The following CCDC39 variants were observed in gnomAD, a reference collection of about 807,000 sequenced individuals.
CCDC39 encodes coiled-coil domain-containing protein 39.
A neutral mutation model predicts 121.0 loss-of-function variants in CCDC39; 113 were observed. The observed-to-expected ratio is 0.93, with a 90% CI of 0.80 to 1.09. The LOEUF (loss-of-function observed/expected upper bound fraction) is 1.09, where lower values mean the gene tolerates loss of function less well. CCDC39 is among the 50% of genes least tolerant of loss of function. CCDC39 has a pLI of 0.00. For missense variants in CCDC39, 1,063 were observed against 1,074.7 expected (o/e 0.99, Z 0.15); for synonymous variants, 349 against 352.2 (o/e 0.99, Z 0.10).
intron 12 of CCDC39, among the ~76,000 whole-genome samples, chr3:180,643,396 G>C (rs1718004994): frequency 6.6e-6 from 1 of 152,008 alleles, no homozygotes; most frequent in Non-Finnish European, 1.5e-5. Flanking sequence ...ACAGAGAAAA[G>C]TGTTTTAAAC....
At chr3:180,648,054 T>C (rs761461119) in intron 10 of CCDC39, 111 bp downstream of exon 10, 14 of 818,118 alleles carry the variant, frequency 1.7e-5, no homozygotes, top group Non-Finnish European at 2.7e-5. Context: ...AGCATCTGTC[T>C]GTCCTCCACA....
At chr3:180,615,314 T>C (rs957511919) in intron 19 of CCDC39, among the ~76,000 whole-genome samples, 4 of 152,148 alleles carry the variant, frequency 2.6e-5, no homozygotes, top group African/African-American at 9.6e-5. Flanking sequence ...AGTATGTTCC[T>C]ACATGGTAAA....
intron 1 of CCDC39, among the ~76,000 whole-genome samples, chr3:180,664,442 C>T (rs923332161): frequency 5.9e-5 from 9 of 152,170 alleles, no homozygotes; most frequent in African/African-American, 1.4e-4. Context: ...AGGACACAAA[C>T]ATTAAAAACA....
chr3:180,628,306 G>A (rs767854680), intron 14 of CCDC39, among the ~76,000 whole-genome samples: 1 of 152,150 alleles, frequency 6.6e-6, no homozygotes, highest in Non-Finnish European at 1.5e-5. Flanking sequence ...CGCCTCCTGG[G>A]TTCATGCCAT....
In CCDC39 at chr3:180,679,303, T is replaced by C; in HGVS notation, c.78A>G (p.Leu26=). ...CAATTGATCTCACCTGATCTTCCAG[T>C]AGCTTGTTCTCCTCGTTCGCCACCG... ...AIPVANEENK[L]LEDQLSKLKD... is the part of the protein sequence containing the mutation. Residue 26 remains leucine (L), a synonymous_variant, in exon 1 of 20, where the codon CTA becomes CTG. Transcript: ENST00000476379. This position sits in a 1 kb window ranked among gnomAD's most constrained non-coding sequence, Gnocchi z 4.0. 2 of 1,613,794 alleles carry C rather than the reference T, an allele frequency of 1.2e-6. No homozygotes were observed. The highest frequency in any genetic ancestry group is 1.7e-6 in the Non-Finnish European group (2 of 1,179,708).
intron 1 of CCDC39, among the ~76,000 whole-genome samples, chr3:180,668,458 C>G (rs1711947664): frequency 6.6e-6 from 1 of 152,118 alleles, no homozygotes; most frequent in Admixed American, 6.6e-5. Flanking sequence ...CTTCCTAGAA[C>G]ATTTTTCTTC....
Position 180,655,290 on chromosome 3 carries a change from A to G in CCDC39, c.739-337T>C, listed in dbSNP as rs538638148. On this transcript the variant is annotated intron_variant, in intron 6 of 19. Coordinates refer to ENST00000476379, the MANE Select transcript of CCDC39 (RefSeq NM_181426.2). ...TTTTCACATGGAAAGCGGGGTTTCA[A>G]TGAAGTTTTCCAAATATTTTACAGA... Among the ~76,000 whole-genome samples, 18 of 152,232 alleles carry G rather than the reference A, an allele frequency of 1.2e-4. No individual in the cohort carries two copies. The East Asian group carries it at 1.7e-3, about 15-fold the overall frequency.
chr3:180,630,926 G>A (rs551705925), intron 14 of CCDC39, among the ~76,000 whole-genome samples: 1 of 152,232 alleles, frequency 6.6e-6, no homozygotes, highest in East Asian at 1.9e-4. Context: ...ATTCAGAGGT[G>A]GTGTAGCTCC....
intron 13 of CCDC39, among the ~76,000 whole-genome samples, chr3:180,634,332 T>G (rs181559903): frequency 6.6e-6 from 1 of 152,088 alleles, no homozygotes; most frequent in Admixed American, 6.5e-5. Flanking sequence ...TGCAACAAGC[T>G]GCAATCCACC....
chr3:180,617,335 C>A (rs531052462), intron 16 of CCDC39: 4 of 498,970 alleles, frequency 8.0e-6, no homozygotes, highest in African/African-American at 7.8e-5. Context: ...AAAGATATTA[C>A]TGATTTATGT....
rs1295921550 is a variant in CCDC39, at chr3:180,619,245, C to T, written c.2265+14G>A. 7.7e-7 allele frequency: 1 copy of T among 1,303,974 alleles called. No individual in the cohort carries two copies. 80.8% of individuals were successfully genotyped at this position (1,303,974 alleles called of 1,614,324 possible). On this transcript the variant is annotated intron_variant, in intron 16 of 19. Coordinates refer to ENST00000476379, the MANE Select transcript of CCDC39 (RefSeq NM_181426.2). ...TATTGAAGGCATATTACTAAAAATG[C>T]CTGTAGAATTTACCTGGATGTCTTC...
intron 19 of CCDC39, among the ~76,000 whole-genome samples, chr3:180,615,468 G>A (rs1576928850): frequency 1.3e-5 from 2 of 151,802 alleles, no homozygotes; most frequent in South Asian, 2.2e-4. Context: ...CTGAAGAGAA[G>A]AGAGAAGCAT....
intron 4 of CCDC39, 97 bp downstream of exon 4, chr3:180,660,473 T>C (rs1711714859): frequency 1.7e-5 from 19 of 1,089,706 alleles, no homozygotes; most frequent in Non-Finnish European, 2.2e-5. Flanking sequence ...AGTTTAAGAA[T>C]TGCTGCCTTA....
chr3:180,645,204 C>T (rs1375420982), intron 11 of CCDC39, among the ~76,000 whole-genome samples: 1 of 152,048 alleles, frequency 6.6e-6, no homozygotes, highest in Non-Finnish European at 1.5e-5. Context: ...CAGTGCTTGA[C>T]ACATAGAAGT....
chr3:180,628,563 G>C (rs570047285), intron 14 of CCDC39, among the ~76,000 whole-genome samples: 2 of 152,236 alleles, frequency 1.3e-5, no homozygotes, highest in African/African-American at 4.8e-5. Flanking sequence ...TGTTACAGCA[G>C]CCCTAGAAAC....
At chr3:180,662,724 A>G (rs181000575) in intron 2 of CCDC39, among the ~76,000 whole-genome samples, 188 of 152,294 alleles carry the variant, frequency 1.2e-3, no homozygotes, top group African/African-American at 4.3e-3. Flanking sequence ...TAGTTTATCA[A>G]TTACTCAATC....
chr3:180,677,153 ATAATAATAATAATTTTATATAT>A (rs1424532703), intron 1 of CCDC39, among the ~76,000 whole-genome samples: 27 of 109,186 alleles, frequency 2.5e-4, no homozygotes, highest in African/African-American at 9.6e-4. Context: ...TATAATAATA[ATAATAATAATAATTTTATATAT>A]ATATATATAT....
chr3:180,672,661 G>A (rs571051113), intron 1 of CCDC39, among the ~76,000 whole-genome samples: 6 of 152,230 alleles, frequency 3.9e-5, no homozygotes, highest in South Asian at 2.1e-4. Context: ...TGATGGAGAC[G>A]TACAAAGAGA....
chr3:180,638,109 G>C (rs1717873982), intron 13 of CCDC39, among the ~76,000 whole-genome samples: 1 of 151,974 alleles, frequency 6.6e-6, no homozygotes, highest in Non-Finnish European at 1.5e-5. Flanking sequence ...AAGAGCTCCA[G>C]GAAGGGTCAA....
Sources: gnomAD v4.1 joint callset for allele counts (sites outside exome capture counted in the v4.1 genomes callset) on GRCh38, gnomAD v4.1.1 for gene constraint, Gnocchi (gnomAD v3.1) non-coding constraint, MANE v1.5 for transcripts, NCBI Gene and HGNC (gene_info 2026-07-23, HGNC 2026-07-21) for gene names.